Variants in POLE4 observed in about 807,000 individuals in gnomAD.
The protein encoded by POLE4 is DNA polymerase epsilon 4, accessory subunit.
A neutral mutation model predicts 15.6 loss-of-function variants in POLE4; 15 were observed. That is an observed-to-expected ratio of 0.96 (90% CI 0.64 to 1.48). The LOEUF is 1.48. Among genes scored for constraint, POLE4 ranks in the 40% most tolerant of loss-of-function variants. The pLI, the probability that POLE4 is intolerant of heterozygous loss-of-function variation, is 0.00. For missense variants in POLE4, 205 were observed against 151.9 expected (o/e 1.35, Z -1.84); for synonymous variants, 83 against 63.2 (o/e 1.31, Z -1.49).
chr2:74,966,239 C>T (rs1328502042), intron 3 of POLE4, among the ~76,000 whole-genome samples: 1 of 152,042 alleles, frequency 6.6e-6, no homozygotes, highest in African/African-American at 2.4e-5. Context: ...TCTCAGGATC[C>T]ATTAACTCAA....
At chr2:74,969,311 C>T (rs1671336641) in intron 3 of POLE4, 98 bp from the exon 4 acceptor site, 1 of 1,066,774 alleles carries the variant, frequency 9.4e-7, no homozygotes, top group South Asian at 1.3e-5. Flanking sequence ...GAACTGCTGC[C>T]AATACCGGAG....
intron 3 of POLE4, chr2:74,961,274 GCC>G (rs1031998096): frequency 6.6e-6 from 1 of 151,982 alleles, no homozygotes; most frequent in African/African-American, 2.4e-5. Flanking sequence ...GTCAACCTAG[GCC>G]CCTGGTCCTT....
At chr2:74,963,466 T>C (rs1178492399) in intron 3 of POLE4, among the ~76,000 whole-genome samples, 2 of 152,184 alleles carry the variant, frequency 1.3e-5, no homozygotes, top group Non-Finnish European at 2.9e-5. Context: ...CTTTTTCTTA[T>C]TGACTTATAA....
Position 74,959,322 on chromosome 2 carries a change from T to G in POLE4, c.214-19T>G, listed in dbSNP as rs761082721. ...TGTGTTAGAACCCATTACTAAAACT[T>G]TGCTTTTTTACTTCACAGGAACTGT... On this transcript the variant is annotated intron_variant, in intron 1 of 3. Transcript: ENST00000483063. The G allele has an allele frequency of 6.3e-7, 1 of 1,583,092 alleles. No homozygotes were observed. The highest frequency in any genetic ancestry group is 2.2e-5 in the East Asian group (1 of 44,708).
chr2:74,962,681 G>A (rs561599299), intron 3 of POLE4, among the ~76,000 whole-genome samples: 31 of 152,216 alleles, frequency 2.0e-4, no homozygotes, highest in African/African-American at 6.3e-4. Context: ...GAACACTCTC[G>A]TAACCACCAT....
chr2:74,969,526 T>A lies in POLE4; in HGVS notation c.*104T>A. On this transcript the variant is annotated 3_prime_UTR_variant, in exon 4 of 4. Transcript: ENST00000483063. ...ACGGAGTCTTTGCACTTACACACACTCTTCCTGTTCTGCCTTCACCTATGC... is the reference window on the plus strand; with the variant it reads ...ACGGAGTCTTTGCACTTACACACACACTTCCTGTTCTGCCTTCACCTATGC... The A allele has an allele frequency of 4.1e-6, 4 of 986,450 alleles. No individual in the cohort carries two copies. The highest frequency in any genetic ancestry group is 1.6e-6 in the Non-Finnish European group (1 of 607,776). The allele number at this position is 986,450 out of a possible 1,614,324, so 61.1% of individuals were successfully genotyped here. A position where few individuals can be genotyped will look rare whatever the true frequency, so the allele number is the denominator to read the frequency against.
chr2:74,969,437 A>G lies in POLE4; in HGVS notation c.*15A>G. ...CTTTAGATTGATTGCCGAGCGGGGC[A>G]GTTTTGTGAGCCTTCATCTGAAGCC... is the stretch of plus-strand genomic sequence containing the variant. On this transcript the variant is annotated 3_prime_UTR_variant, in exon 4 of 4. Coordinates refer to ENST00000483063, the MANE Select transcript of POLE4 (RefSeq NM_019896.4). 6.2e-7 allele frequency: 1 copy of G among 1,613,276 alleles called. No homozygotes were observed. The highest frequency in any genetic ancestry group is 1.7e-5 in the Admixed American group (1 of 60,014).
intron 3 of POLE4, among the ~76,000 whole-genome samples, chr2:74,961,761 A>G (rs11890633): frequency 0.28 from 42,190 of 151,998 alleles, 6,026 homozygotes; most frequent in Admixed American, 0.38. Flanking sequence ...ATCCTCATTT[A>G]TCTCTGTAAT....
chr2:74,959,339 A>T lies in POLE4; in HGVS notation c.214-2A>T, dbSNP rs759889089. ...CTAAAACTTTGCTTTTTTACTTCACAGGAACTGTTTGTGGAGACCATTGCA... is the reference window on the plus strand; with the variant it reads ...CTAAAACTTTGCTTTTTTACTTCACTGGAACTGTTTGTGGAGACCATTGCA... On this transcript the variant is annotated splice_acceptor_variant, in intron 1 of 3. Transcript: ENST00000483063. LOFTEE classifies it high-confidence loss of function. 3.5e-5 allele frequency: 56 copies of T among 1,611,062 alleles called. No individual in the cohort carries two copies. Among genetic ancestry groups the T allele is most frequent in the Non-Finnish European group, 4.6e-5 (54 of 1,177,570 alleles).
At chr2:74,962,859 G>C (rs775213747) in intron 3 of POLE4, among the ~76,000 whole-genome samples, 1 of 152,086 alleles carries the variant, frequency 6.6e-6, no homozygotes, top group Non-Finnish European at 1.5e-5. Context: ...TGAACACTAA[G>C]GTTTAGTTTT....
At chr2:74,969,354 C>A (rs939140968) in intron 3 of POLE4, 55 bp from the exon 4 acceptor site, 129 of 1,560,906 alleles carry the variant, frequency 8.3e-5, no homozygotes, top group Middle Eastern at 1.7e-4. Context: ...CAGCTTGTTA[C>A]ACTAATCCAG....
chr2:74,969,326 T>C (rs1334453059), intron 3 of POLE4, 83 bp from the exon 4 acceptor site: 6 of 1,273,480 alleles, frequency 4.7e-6, no homozygotes, highest in Non-Finnish European at 6.9e-6. Flanking sequence ...CCGGAGCCTC[T>C]TCTGCATTAA....
At chr2:74,964,930 T>C (rs897909315) in intron 3 of POLE4, among the ~76,000 whole-genome samples, 1 of 152,162 alleles carries the variant, frequency 6.6e-6, no homozygotes, top group Non-Finnish European at 1.5e-5. Context: ...AAGGGAAAGC[T>C]TTCAGTATTT....
intron 3 of POLE4, among the ~76,000 whole-genome samples, chr2:74,961,732 A>T (rs1671223199): frequency 6.6e-6 from 1 of 152,022 alleles, no homozygotes; most frequent in Non-Finnish European, 1.5e-5. Flanking sequence ...TGGTGTGTTT[A>T]TTTTCATCCT....
In POLE4 at chr2:74,958,860, C is replaced by G; in HGVS notation, c.181C>G (p.Gln61Glu). ...KADPDVTLAG[Q>E]EAIFILARAA... ...AGATCCCGACGTGACGCTAGCGGGA[C>G]AGGAAGCCATCTTCATTCTGGCACG... The change falls in exon 1 of 4, where the codon CAG (glutamine) becomes GAG (glutamate). Residue 61 changes from glutamine (Q) to glutamate (E), a missense_variant. Physicochemically the swap from Gln to Glu is conservative, Grantham distance 29. Transcript: ENST00000483063. The G allele has an allele frequency of 6.4e-7, 1 of 1,561,240 alleles. No homozygotes were observed. Among genetic ancestry groups the G allele is most frequent in the Non-Finnish European group, 8.7e-7 (1 of 1,152,782 alleles).
Position 74,965,849 on chromosome 2 carries a change from AT to A in POLE4, c.341-3555del, listed in dbSNP as rs1272325815. Among the ~76,000 whole-genome samples the A allele has an allele frequency of 2.6e-5, 4 of 152,274 alleles. No homozygotes were observed. The East Asian group carries it at 7.7e-4, about 29-fold the overall frequency. On this transcript the variant is annotated intron_variant, in intron 3 of 3. Coordinates refer to ENST00000483063, the MANE Select transcript of POLE4 (RefSeq NM_019896.4). ...GTTAGTATTTATTTGCACGGTACGGATTTTTGTAAATCTTTTAATTTTTATC... is the reference window on the plus strand; with the variant it reads ...GTTAGTATTTATTTGCACGGTACGGATTTTGTAAATCTTTTAATTTTTATC...
intron 3 of POLE4, among the ~76,000 whole-genome samples, chr2:74,963,029 G>C (rs1197763591): frequency 6.6e-6 from 1 of 152,098 alleles, no homozygotes; most frequent in Non-Finnish European, 1.5e-5. Flanking sequence ...TACCACAATT[G>C]AACTATTTTA....
chr2:74,964,809 A>C (rs896591523), intron 3 of POLE4, among the ~76,000 whole-genome samples: 1 of 152,080 alleles, frequency 6.6e-6, no homozygotes, highest in African/African-American at 2.4e-5. Context: ...AATTTTGTGA[A>C]GTTCTTTCCA....
chr2:74,959,756 G>T (rs1407248379), intron 2 of POLE4: 1 of 427,632 alleles, frequency 2.3e-6, no homozygotes, highest in South Asian at 4.2e-5. Flanking sequence ...CCCTCACCTG[G>T]GTAAGATTTC....
Sources: allele counts gnomAD v4.1 joint callset (sites outside exome capture counted in the v4.1 genomes callset), GRCh38; gene constraint gnomAD v4.1.1; transcripts MANE v1.5; gene names NCBI Gene and HGNC (gene_info 2026-07-23, HGNC 2026-07-21).